Variants in CDH23 observed in about 807,000 individuals in gnomAD.
The protein encoded by CDH23 is cadherin related 23.
A neutral mutation model predicts 317.1 loss-of-function variants in CDH23; 189 were observed. The observed-to-expected ratio is 0.60, with a 90% CI of 0.53 to 0.67. CDH23 has a LOEUF of 0.67. Ranked by LOEUF, CDH23 falls within the 30% of genes least tolerant of loss-of-function variation. The pLI is 0.00. For synonymous variants in CDH23, 1,839 were observed against 1,876.8 expected (o/e 0.98, Z 0.52); for missense variants, 4,401 against 4,592.4 (o/e 0.96, Z 1.20).
intron 9 of CDH23, among the ~76,000 whole-genome samples, chr10:71,596,423 T>C (rs1406448306): frequency 2.6e-5 from 4 of 152,106 alleles, no homozygotes; most frequent in South Asian, 2.1e-4. Context: ...ACCCTCCTCA[T>C]TGGATGGTCA....
intron 6 of CDH23, among the ~76,000 whole-genome samples, chr10:71,550,405 T>C (rs1037337716): frequency 8.6e-5 from 13 of 151,496 alleles, no homozygotes; most frequent in Non-Finnish European, 1.8e-4. Flanking sequence ...AAAATAAACA[T>C]AAGTGAGCTA....
At chr10:71,708,999 G>T in intron 26 of CDH23, 99 bp from the exon 27 acceptor site, 2 of 1,056,166 alleles carry the variant, frequency 1.9e-6, no homozygotes, top group South Asian at 1.3e-5. Flanking sequence ...CCCACTCCTG[G>T]ACTCACCATC....
Position 71,402,607 on chromosome 10 carries a change from A to T in CDH23, c.-6+5289A>T, listed in dbSNP as rs566524072. Reference sequence around the variant, plus strand: ...AGCTTTTATTGTATCCCTTTGACTTACTTATATGTTAGGCACATTGTATTC... The same window carrying T: ...AGCTTTTATTGTATCCCTTTGACTTTCTTATATGTTAGGCACATTGTATTC... On this transcript the variant is annotated intron_variant, in intron 1 of 69. Coordinates refer to ENST00000224721, the MANE Select transcript of CDH23 (RefSeq NM_022124.6). 9.7e-4 allele frequency among the ~76,000 whole-genome samples: 147 copies of T among 152,328 alleles called. 3 individuals carry two copies. In the South Asian group the frequency reaches 0.029, roughly 30 times the overall value.
At chr10:71,786,916 C>T (rs1589420927) in intron 44 of CDH23, among the ~76,000 whole-genome samples, 1 of 152,092 alleles carries the variant, frequency 6.6e-6, no homozygotes, top group Non-Finnish European at 1.5e-5. Flanking sequence ...ACTCGGTGGG[C>T]TTAGGGGCTA....
chr10:71,661,147 C>A (rs1386354729), intron 14 of CDH23, among the ~76,000 whole-genome samples: 1 of 152,156 alleles, frequency 6.6e-6, no homozygotes, highest in Non-Finnish European at 1.5e-5. Context: ...GCAGTGCAGC[C>A]CCCTCATGGA....
Position 71,779,303 on chromosome 10 carries a change from C to T in CDH23, c.5224C>T (p.Pro1742Ser), listed in dbSNP as rs1266452042. Residue 1742 changes from proline to serine, a missense_variant, in exon 41 of 70, where the codon CCT becomes TCT. Physicochemically the swap from Pro to Ser is moderately conservative, Grantham distance 74. This residue lies in a region of CDH23 where 3,068 missense variants were observed against 3,203.3 expected (regional missense o/e 0.96). Transcript: ENST00000224721. ...VNVNDINDNV[P>S]TFPRDYEGPF... ...TGTGAATGACATCAACGACAATGTGCCTACCTTCCCCCGGGACTATGAGGG... is the reference window on the plus strand; with the variant it reads ...TGTGAATGACATCAACGACAATGTGTCTACCTTCCCCCGGGACTATGAGGG... 3 of 1,614,046 alleles carry T rather than the reference C, an allele frequency of 1.9e-6. No homozygotes were observed. The highest frequency in any genetic ancestry group is 2.2e-5 in the East Asian group (1 of 44,890).
intron 6 of CDH23, among the ~76,000 whole-genome samples, chr10:71,516,159 C>T (rs1200758016): frequency 6.6e-6 from 1 of 152,214 alleles, no homozygotes; most frequent in Non-Finnish European, 1.5e-5. Context: ...TGCAGGTCCC[C>T]ACTGTTACCT....
At position 71,677,584 on chromosome 10, in the gene CDH23, G is replaced by T; in HGVS notation, c.1643G>T (p.Arg548Met). Residue 548 changes from arginine to methionine, a missense_variant, in exon 16 of 70, where the codon AGG (arginine) becomes ATG (methionine). Arg to Met is a moderately conservative substitution (Grantham distance 91). Transcript: ENST00000224721. Reference protein sequence around the residue: ...GGGEETTGRVRINVLDVNDNV... With the variant: ...GGGEETTGRVMINVLDVNDNV... ...GGCGAGGAGACCACAGGCCGGGTCA[G>T]GATCAATGTGTTGGATGTCAACGAC... is the stretch of plus-strand genomic sequence containing the variant. The T allele has an allele frequency of 6.2e-7, 1 of 1,609,594 alleles. No individual in the cohort carries two copies.
intron 22 of CDH23, among the ~76,000 whole-genome samples, chr10:71,699,709 T>C (rs550345565): frequency 1.3e-5 from 2 of 152,274 alleles, no homozygotes; most frequent in South Asian, 4.1e-4. Context: ...TTATTCCCCA[T>C]CAGGCTAGGA....
At position 71,809,910 on chromosome 10, in the gene CDH23, C is replaced by G. The variant is rs770584130; in HGVS notation, c.8813C>G (p.Ala2938Gly). The G allele has an allele frequency of 6.2e-7, 1 of 1,613,010 alleles. No homozygotes were observed. Among genetic ancestry groups the G allele is most frequent in the African/African-American group, 1.3e-5 (1 of 74,942 alleles). Reference sequence around the variant, plus strand: ...GTGGACATTGTGGCCCGAGACCTGGCAGGCCACAACGACACGGCCATCATC... The same window carrying G: ...GTGGACATTGTGGCCCGAGACCTGGGAGGCCACAACGACACGGCCATCATC... ...FVVDIVARDL[A>G]GHNDTAIIGI... Residue 2938 changes from alanine to glycine, a missense_variant, in exon 61 of 70, where the codon GCA becomes GGA. Coordinates refer to ENST00000224721, the MANE Select transcript of CDH23 (RefSeq NM_022124.6).
At chr10:71,670,965 T>G (rs1864119809) in intron 14 of CDH23, among the ~76,000 whole-genome samples, 1 of 149,550 alleles carries the variant, frequency 6.7e-6, no homozygotes, top group East Asian at 1.9e-4. Context: ...TGGCATCTTT[T>G]TTTTTTTTTT....
intron 38 of CDH23, among the ~76,000 whole-genome samples, chr10:71,758,370 C>T (rs1008008939): frequency 6.6e-6 from 1 of 152,182 alleles, no homozygotes; most frequent in African/African-American, 2.4e-5. Context: ...GGATGTCTGA[C>T]ACATACAGGG....
chr10:71,430,176 C>T (rs1327583881), intron 1 of CDH23, among the ~76,000 whole-genome samples: 2 of 151,998 alleles, frequency 1.3e-5, no homozygotes, highest in East Asian at 1.9e-4. Flanking sequence ...GGGCTGTTCC[C>T]CTGCTGGTGA....
intron 11 of CDH23, among the ~76,000 whole-genome samples, chr10:71,640,316 G>T (rs1462551218): frequency 6.6e-6 from 1 of 152,168 alleles, no homozygotes; most frequent in Non-Finnish European, 1.5e-5. Context: ...AGCCTTCTCT[G>T]CTCATCCACC....
chr10:71,648,558 G>A (rs1054533334), intron 14 of CDH23, among the ~76,000 whole-genome samples: 1 of 152,196 alleles, frequency 6.6e-6, no homozygotes, highest in African/African-American at 2.4e-5. Flanking sequence ...AAAGGGATGG[G>A]GAAAACCTAT....
intron 3 of CDH23, among the ~76,000 whole-genome samples, chr10:71,494,403 T>C (rs1201610123): frequency 2.0e-5 from 3 of 152,204 alleles, no homozygotes; most frequent in African/African-American, 7.2e-5. Context: ...GGGCTGGTAC[T>C]GGATAAGAAC....
At chr10:71,669,778 G>T (rs1406740073) in intron 14 of CDH23, among the ~76,000 whole-genome samples, 3 of 152,196 alleles carry the variant, frequency 2.0e-5, no homozygotes, top group Admixed American at 2.0e-4. Context: ...GGCAGTCCAG[G>T]TTGTCCTGCT....
At chr10:71,506,916 C>T (rs1303507572) in intron 3 of CDH23, among the ~76,000 whole-genome samples, 3 of 152,156 alleles carry the variant, frequency 2.0e-5, no homozygotes, top group Non-Finnish European at 4.4e-5. Context: ...GATAAAAGTC[C>T]GGGAAATTAC....
At chr10:71,723,703 T>C (rs1043906791) in intron 28 of CDH23, among the ~76,000 whole-genome samples, 3 of 151,908 alleles carry the variant, frequency 2.0e-5, no homozygotes, top group Non-Finnish European at 4.4e-5. Context: ...GGCTGCCGGG[T>C]AGGGAATGTG....
Sources: gnomAD v4.1 joint callset for allele counts (sites outside exome capture counted in the v4.1 genomes callset) on GRCh38, gnomAD v4.1.1 for gene constraint, gnomAD v4.1.1 regional missense constraint, MANE v1.5 for transcripts, NCBI Gene and HGNC (gene_info 2026-07-23, HGNC 2026-07-21) for gene names.